The following MPV17L2 variants were observed in gnomAD, a reference collection of about 807,000 sequenced individuals.
MPV17L2 encodes mpv17-like protein 2.
MPV17L2 carries 25 observed loss-of-function variants against 24.2 expected under a neutral mutation model. The observed-to-expected ratio is 1.03, with a 90% CI of 0.75 to 1.44. The LOEUF is 1.44. Among genes scored for constraint, MPV17L2 ranks in the 40% most tolerant of loss-of-function variants. The pLI is 0.00. For synonymous variants in MPV17L2, 130 were observed against 121.4 expected (o/e 1.07, Z -0.46); for missense variants, 271 against 276.2 (o/e 0.98, Z 0.13).
intron 1 of MPV17L2, 172 bp from the exon 2 acceptor site, chr19:18,193,692 C>CT: frequency 5.6e-6 from 8 of 1,436,022 alleles, no homozygotes; most frequent in Non-Finnish European, 7.3e-6. Context: ...GCCGCGCCTC[C>CT]TGGTGGGGCT....
rs1967520777 is a variant in MPV17L2 at position 18,196,415 on chromosome 19, G to A, written c.*360G>A. On this transcript the variant is annotated 3_prime_UTR_variant, in exon 5 of 5. Transcript: ENST00000599612. ...CTCTGGGCCAAGCCACCAATCCAGA[G>A]CTCCCTCAGGTCCTGGGACTAAGGC... The A allele has an allele frequency of 1.5e-6, 2 of 1,311,620 alleles. No homozygotes were observed. Among genetic ancestry groups the A allele is most frequent in the Non-Finnish European group, 1.0e-6 (1 of 1,003,248 alleles). 81.2% of individuals were successfully genotyped at this position (1,311,620 alleles called of 1,614,324 possible). A position where few individuals can be genotyped will look rare whatever the true frequency, so the allele number is the denominator to read the frequency against.
chr19:18,195,096 G>A lies in MPV17L2; in HGVS notation c.564+10G>A, dbSNP rs781380868. Reference sequence around the variant, plus strand: ...CTACTTGAAGTACCGGGTGAGTGTGGAGGGCATACCAGGCACCCAGGGGAC... The same window carrying A: ...CTACTTGAAGTACCGGGTGAGTGTGAAGGGCATACCAGGCACCCAGGGGAC... On this transcript the variant is annotated intron_variant, in intron 4 of 4. Transcript: ENST00000599612. The A allele has an allele frequency of 6.2e-7, 1 of 1,613,318 alleles. No homozygotes were observed. The highest frequency in any genetic ancestry group is 8.5e-7 in the Non-Finnish European group (1 of 1,179,516).
intron 4 of MPV17L2, 48 bp downstream of exon 4, chr19:18,195,134 T>C (rs1385983924): frequency 6.3e-7 from 1 of 1,586,030 alleles, no homozygotes; most frequent in Admixed American, 1.7e-5. Flanking sequence ...CCCAGGGGGC[T>C]ACACGTGTGA....
chr19:18,196,313 A>G lies in MPV17L2; in HGVS notation c.*258A>G, dbSNP rs373514600. ...GAACCTCATGCGACCTGTGACCAAG[A>G]TGTCCCATCCTCAGCACAGGGCCCA... On this transcript the variant is annotated 3_prime_UTR_variant, in exon 5 of 5. Transcript: ENST00000599612. 142 of 1,444,798 alleles carry G rather than the reference A, an allele frequency of 9.8e-5. 1 individual carries two copies. In the East Asian group the frequency reaches 2.6e-3, roughly 26 times the overall value. 89.5% of individuals were successfully genotyped at this position (1,444,798 alleles called of 1,614,324 possible).
Position 18,193,322 on chromosome 19 carries a change from C to G in MPV17L2, c.41C>G (p.Ser14Cys). 1.3e-6 allele frequency: 2 copies of G among 1,556,580 alleles called. No individual in the cohort carries two copies. The highest frequency in any genetic ancestry group is 2.4e-5 in the South Asian group (2 of 85,026). The stretch of plus-strand genomic sequence containing the variant: ...TGGCGCCGGCTACGCCGCCTGTTAT[C>G]CGCGGGGCAGCTTCTATTCCAGGGC... The part of the protein sequence containing the change: ...GGWRRLRRLL[S>C]AGQLLFQGRA... Residue 14 changes from serine (S) to cysteine (C), a missense_variant, in exon 1 of 5, where the codon TCC (serine) becomes TGC (cysteine). Physicochemically the swap from Ser to Cys is moderately radical, Grantham distance 112 (BLOSUM62 -1). Coordinates refer to ENST00000599612, the MANE Select transcript of MPV17L2 (RefSeq NM_032683.3).
intron 3 of MPV17L2, 21 bp from the exon 4 acceptor site, chr19:18,194,937 A>G: frequency 7.6e-7 from 1 of 1,319,510 alleles, no homozygotes; most frequent in Non-Finnish European, 1.0e-6. Flanking sequence ...CCCGCCCCTC[A>G]TCCCCCGCCT....
rs771796266 is a variant in MPV17L2, at chr19:18,193,877, G to C, written c.201G>C (p.Ala67=). ...ACACTCTTATAGCGAGCATGTTTGCGGTGGGCTGCAGCATGGGTCCCTTCC... is the reference window on the plus strand; with the variant it reads ...ACACTCTTATAGCGAGCATGTTTGCCGTGGGCTGCAGCATGGGTCCCTTCC... ...FDPRRSASMF[A]VGCSMGPFLH... The change falls in exon 2 of 5, where the codon GCG becomes GCC. Residue 67 remains alanine, a synonymous_variant. Transcript: ENST00000599612. The C allele has an allele frequency of 2.5e-6, 4 of 1,614,174 alleles. No individual in the cohort carries two copies. The highest frequency in any genetic ancestry group is 2.5e-6 in the Non-Finnish European group (3 of 1,180,014).
chr19:18,195,208 CA>C, intron 4 of MPV17L2, 122 bp downstream of exon 4: 1 of 1,459,318 alleles, frequency 6.9e-7, no homozygotes, highest in Non-Finnish European at 9.1e-7. Flanking sequence ...CCTGACAACC[CA>C]CACCCAACAG....
chr19:18,195,875 T>C, intron 4 of MPV17L2, 124 bp from the exon 5 acceptor site: 1 of 868,368 alleles, frequency 1.2e-6, no homozygotes, highest in Non-Finnish European at 1.8e-6. Context: ...TGCTGTCTGA[T>C]GTGACCTCAG....
Position 18,196,325 on chromosome 19 carries a change from C to T in MPV17L2, c.*270C>T, listed in dbSNP as rs767228417. ...ACCTGTGACCAAGATGTCCCATCCT[C>T]AGCACAGGGCCCACTCTGCCAACCA... On this transcript the variant is annotated 3_prime_UTR_variant, in exon 5 of 5. Transcript: ENST00000599612. 6.3e-6 allele frequency: 9 copies of T among 1,420,388 alleles called. No individual in the cohort carries two copies. The highest frequency in any genetic ancestry group is 7.5e-6 in the Non-Finnish European group (8 of 1,072,918). 88.0% of individuals were successfully genotyped at this position (1,420,388 alleles called of 1,614,324 possible).
intron 1 of MPV17L2, 193 bp from the exon 2 acceptor site, chr19:18,193,671 G>A: frequency 7.0e-7 from 1 of 1,430,358 alleles, no homozygotes; most frequent in South Asian, 1.5e-5. Context: ...CACTACCCAG[G>A]AGCCTCTGGA....
At chr19:18,194,932 C>T (rs775485291) in intron 3 of MPV17L2, 26 bp from the exon 4 acceptor site, 3 of 1,607,764 alleles carry the variant, frequency 1.9e-6, no homozygotes, top group South Asian at 2.2e-5. Flanking sequence ...CTGGCCCCGC[C>T]CCTCATCCCC....
Position 18,194,807 on chromosome 19 carries a change from G to GT in MPV17L2, c.390dup (p.Glu131Ter). ...GGCTGCCTGGAGGGTCAGACAGTGG[G>GT]TGAGAGCTGCCAGGAGCTGCGGGAG... On this transcript the variant is annotated frameshift_variant, in exon 3 of 5. Transcript: ENST00000599612. LOFTEE classifies it high-confidence loss of function. 2 of 1,610,806 alleles carry GT rather than the reference G, an allele frequency of 1.2e-6. No individual in the cohort carries two copies. The highest frequency in any genetic ancestry group is 1.7e-6 in the Non-Finnish European group (2 of 1,179,086).
At chr19:18,194,724 C>T in intron 2 of MPV17L2, 53 bp from the exon 3 acceptor site, 1 of 1,513,582 alleles carries the variant, frequency 6.6e-7, no homozygotes, top group Non-Finnish European at 9.0e-7. Context: ...ATCTTGTCGT[C>T]TCAACAGTAC....
At chr19:18,193,750 G>T (rs1967464224) in intron 1 of MPV17L2, 114 bp from the exon 2 acceptor site, 2 of 1,513,576 alleles carry the variant, frequency 1.3e-6, no homozygotes, top group African/African-American at 1.4e-5. Context: ...TCCCGGTGAG[G>T]CTGAGGCTCC....
At position 18,196,449 on chromosome 19, in the gene MPV17L2, G is replaced by A. The variant is rs149080741; in HGVS notation, c.*394G>A. ...GGTCCTGGGACTAAGGCGGGGACAT[G>A]ACTGATCCCCTCAGAGCAGGCTCAG... On this transcript the variant is annotated 3_prime_UTR_variant, in exon 5 of 5. Coordinates refer to ENST00000599612, the MANE Select transcript of MPV17L2 (RefSeq NM_032683.3). 18 of 1,299,094 alleles carry A rather than the reference G, an allele frequency of 1.4e-5. No homozygotes were observed. Among genetic ancestry groups the A allele is most frequent in the Non-Finnish European group, 1.7e-5 (17 of 995,184 alleles). 80.5% of individuals were successfully genotyped at this position (1,299,094 alleles called of 1,614,324 possible).
chr19:18,195,327 CCT>C (rs1967494290), intron 4 of MPV17L2, among the ~76,000 whole-genome samples: 1 of 151,828 alleles, frequency 6.6e-6, no homozygotes, highest in African/African-American at 2.4e-5. Flanking sequence ...GGGTGGATCG[CCT>C]GAAATTGGAG....
In MPV17L2 at chr19:18,196,558, A is replaced by G; in HGVS notation, c.*503A>G. 1.4e-6 allele frequency: 1 copy of G among 692,448 alleles called. No homozygotes were observed. Among genetic ancestry groups the G allele is most frequent in the Non-Finnish European group, 2.1e-6 (1 of 482,234 alleles). 42.9% of individuals were successfully genotyped at this position (692,448 alleles called of 1,614,324 possible). ...CCTGGTCCTGAACTGTGGAAATGCC[A>G]TTAAACTCTCTCTATAATGTAACTG... On this transcript the variant is annotated 3_prime_UTR_variant, in exon 5 of 5. Coordinates refer to ENST00000599612, the MANE Select transcript of MPV17L2 (RefSeq NM_032683.3).
chr19:18,194,894 CT>C (rs779433771), intron 3 of MPV17L2, 41 bp downstream of exon 3: 4 of 1,590,232 alleles, frequency 2.5e-6, no homozygotes, highest in Non-Finnish European at 3.4e-6. Context: ...GCCCCGCCCC[CT>C]GATGGCCGCT....
Sources: gnomAD v4.1 joint callset for allele counts (sites outside exome capture counted in the v4.1 genomes callset) on GRCh38, gnomAD v4.1.1 for gene constraint, MANE v1.5 for transcripts, NCBI Gene and HGNC (gene_info 2026-07-23, HGNC 2026-07-21) for gene names.